The following NSMCE2 variants were observed in gnomAD, a reference collection of about 807,000 sequenced individuals.
The protein encoded by NSMCE2 is E3 SUMO-protein ligase NSE2.
NSMCE2 carries 24 observed loss-of-function variants against 23.8 expected under a neutral mutation model. The ratio of observed to expected loss-of-function variants is 1.01; its 90% CI spans 0.73 to 1.42. The LOEUF (loss-of-function observed/expected upper bound fraction) is 1.42, where lower values mean the gene tolerates loss of function less well. NSMCE2 is among the 40% of genes most tolerant of loss of function. The pLI is 0.00. For missense variants in NSMCE2, 284 were observed against 296.5 expected, an observed-to-expected ratio of 0.96 and a Z score of 0.31; for synonymous variants, 92 against 94.1, an observed-to-expected ratio of 0.98 and a Z score of 0.13.
chr8:125,292,173 C>T (rs1828135990), intron 5 of NSMCE2, among the ~76,000 whole-genome samples: 1 of 151,006 alleles, frequency 6.6e-6, no homozygotes, highest in South Asian at 2.1e-4. Context: ...TGACTGTTCT[C>T]AGTGTCTGCC....
intron 5 of NSMCE2, among the ~76,000 whole-genome samples, chr8:125,260,282 C>T (rs1390902768): frequency 6.6e-6 from 1 of 151,978 alleles, no homozygotes; most frequent in African/African-American, 2.4e-5. Context: ...CTAGTGTTAG[C>T]CCAGTATAAA....
intron 3 of NSMCE2, among the ~76,000 whole-genome samples, chr8:125,140,597 C>T (rs1285196982): frequency 1.3e-5 from 2 of 151,760 alleles, no homozygotes; most frequent in Non-Finnish European, 2.9e-5. Flanking sequence ...TGCAGTGAGC[C>T]GAGATCATGC....
intron 1 of NSMCE2, among the ~76,000 whole-genome samples, chr8:125,096,659 A>G (rs1399466557): frequency 1.6e-5 from 1 of 63,460 alleles, no homozygotes; most frequent in East Asian, 5.0e-4. Context: ...TTTTTTTCAT[A>G]CGGAGTCTTT....
intron 5 of NSMCE2, among the ~76,000 whole-genome samples, chr8:125,260,888 T>G (rs1826663910): frequency 6.6e-6 from 1 of 152,050 alleles, no homozygotes; most frequent in Non-Finnish European, 1.5e-5. Context: ...CCTCTCAAAG[T>G]GCTAGGATTA....
intron 4 of NSMCE2, among the ~76,000 whole-genome samples, chr8:125,172,705 A>G (rs1822279706): frequency 6.6e-6 from 1 of 152,248 alleles, no homozygotes. Context: ...GGTTAAAAAC[A>G]TAAATATGTT....
At chr8:125,111,072 C>G (rs896844459) in intron 3 of NSMCE2, among the ~76,000 whole-genome samples, 3 of 152,154 alleles carry the variant, frequency 2.0e-5, no homozygotes, top group Non-Finnish European at 4.4e-5. Context: ...ATAGTCTGTT[C>G]TTTCATACAT....
intron 7 of NSMCE2, 41 bp downstream of exon 7, chr8:125,357,859 G>A (rs1813352663): frequency 3.6e-6 from 5 of 1,393,882 alleles, no homozygotes; most frequent in Non-Finnish European, 5.1e-6. Flanking sequence ...TTCCCTAGTG[G>A]TAGTTACTCA....
intron 4 of NSMCE2, among the ~76,000 whole-genome samples, chr8:125,163,116 C>T (rs1821707133): frequency 6.6e-6 from 1 of 152,076 alleles, no homozygotes; most frequent in South Asian, 2.1e-4. Context: ...CTTGTAATCC[C>T]AACACTTTGG....
At chr8:125,174,041 C>T (rs998489612) in intron 4 of NSMCE2, among the ~76,000 whole-genome samples, 48 of 152,162 alleles carry the variant, frequency 3.2e-4, no homozygotes, top group African/African-American at 1.2e-3. Context: ...ACCTTGCCCT[C>T]AGTATGACCT....
chr8:125,310,117 G>A (rs185015767), intron 5 of NSMCE2, among the ~76,000 whole-genome samples: 52 of 152,280 alleles, frequency 3.4e-4, no homozygotes, highest in Admixed American at 1.1e-3. Flanking sequence ...GAAACTAATC[G>A]TTTGTGTAAC....
In NSMCE2 at chr8:125,178,112, T is replaced by G. The variant is rs545869453; in HGVS notation, c.265-3991T>G. On this transcript the variant is annotated intron_variant, in intron 4 of 7. Transcript: ENST00000287437. ...AACTGCCCTCTCCCTCCCTCTCAGT[T>G]GTGTGTCCTCCAGGCATTAACAATA... Among the ~76,000 whole-genome samples, 14 of 152,320 alleles carry G rather than the reference T, an allele frequency of 9.2e-5. No homozygotes were observed. In the East Asian group the frequency reaches 2.5e-3, roughly 27 times the overall value.
intron 5 of NSMCE2, among the ~76,000 whole-genome samples, chr8:125,239,363 CTT>C (rs1303241981): frequency 6.6e-6 from 1 of 152,078 alleles, no homozygotes; most frequent in Non-Finnish European, 1.5e-5. Context: ...AATCCCAACA[CTT>C]GGGGAGGCCA....
chr8:125,134,181 G>A (rs1237914990), intron 3 of NSMCE2, among the ~76,000 whole-genome samples: 1 of 152,164 alleles, frequency 6.6e-6, no homozygotes, highest in African/African-American at 2.4e-5. Context: ...CTGTATTGAT[G>A]AATGTTTTCA....
intron 5 of NSMCE2, among the ~76,000 whole-genome samples, chr8:125,264,048 A>G (rs78981563): frequency 2.2e-3 from 339 of 152,272 alleles, no homozygotes; most frequent in African/African-American, 7.7e-3. Flanking sequence ...CAGATTTCCC[A>G]TGTCTGGCAC....
At chr8:125,277,040 C>T (rs944562810) in intron 5 of NSMCE2, among the ~76,000 whole-genome samples, 1 of 152,220 alleles carries the variant, frequency 6.6e-6, no homozygotes, top group Non-Finnish European at 1.5e-5. Context: ...AGTGTTCATA[C>T]TCTGCCTTGT....
chr8:125,326,655 T>G (rs1563786916), intron 5 of NSMCE2, among the ~76,000 whole-genome samples: 1 of 152,044 alleles, frequency 6.6e-6, no homozygotes, highest in Non-Finnish European at 1.5e-5. Flanking sequence ...AAAGATTGGT[T>G]AAAAAGATAA....
chr8:125,242,320 G>A (rs114658835), intron 5 of NSMCE2, among the ~76,000 whole-genome samples: 166 of 152,144 alleles, frequency 1.1e-3, no homozygotes, highest in African/African-American at 3.7e-3. Flanking sequence ...AAAGCAATAT[G>A]GCAGCAACAG....
intron 5 of NSMCE2, among the ~76,000 whole-genome samples, chr8:125,271,061 AC>A (rs1827164604): frequency 6.6e-6 from 1 of 152,110 alleles, no homozygotes; most frequent in South Asian, 2.1e-4. Context: ...GGAGTTCAAG[AC>A]CAGCCTGAAC....
At chr8:125,187,986 G>A (rs1182498252) in intron 5 of NSMCE2, among the ~76,000 whole-genome samples, 1 of 152,170 alleles carries the variant, frequency 6.6e-6, no homozygotes, top group Non-Finnish European at 1.5e-5. Flanking sequence ...GATAATTGCA[G>A]CTACAAGTGA....
Sources: gnomAD v4.1 joint callset for allele counts (sites outside exome capture counted in the v4.1 genomes callset) on GRCh38, gnomAD v4.1.1 for gene constraint, MANE v1.5 for transcripts, NCBI Gene and HGNC (gene_info 2026-07-23, HGNC 2026-07-21) for gene names.